EYS: variants seen among roughly 807,000 people sequenced by gnomAD.
EYS encodes the protein EGF-like photoreceptor maintenance factor.
Under a neutral mutation model 282.1 loss-of-function variants are expected in EYS, and 250 were observed. The ratio of observed to expected loss-of-function variants is 0.89; its 90% confidence interval spans 0.80 to 0.98. The LOEUF is 0.98. Among genes scored for constraint, EYS ranks in the 50% least tolerant of loss-of-function variants. The probability of loss-of-function intolerance (pLI) is 0.00; values close to 1 mark genes in which losing one functional copy is unlikely to be tolerated. For missense variants in EYS, 4,016 were observed against 3,709.0 expected (o/e 1.08, Z -2.15); for synonymous variants, 1,355 against 1,282.9 (o/e 1.06, Z -1.20).
intron 35 of EYS, among the ~76,000 whole-genome samples, chr6:63,887,418 CAGA>C (rs974740508): frequency 7.6e-5 from 11 of 144,518 alleles, no homozygotes; most frequent in Non-Finnish European, 1.5e-4. Flanking sequence ...GAGACCAAAG[CAGA>C]AGGCCAGTGA....
intron 12 of EYS, among the ~76,000 whole-genome samples, chr6:65,076,142 T>G (rs1010998429): frequency 6.6e-6 from 1 of 152,024 alleles, no homozygotes; most frequent in East Asian, 1.9e-4. Flanking sequence ...ATGCTACTTA[T>G]ACAAATTAAG....
rs74667330 is a variant in EYS, at chr6:65,295,847, G to A, written c.2023+16C>T. The A allele has an allele frequency of 4.3e-6, 6 of 1,397,822 alleles. No individual in the cohort carries two copies. Among genetic ancestry groups the A allele is most frequent in the African/African-American group, 1.5e-5 (1 of 68,064 alleles). The allele number at this position is 1,397,822 out of a possible 1,614,324, so 86.6% of individuals were successfully genotyped here. Reference sequence around the variant, plus strand: ...TTTACTAGAAAATTTAATTTATCAGGAAAAAAAAAACTTGCCTTTAAATCC... The same window carrying A: ...TTTACTAGAAAATTTAATTTATCAGAAAAAAAAAAACTTGCCTTTAAATCC... On this transcript the variant is annotated intron_variant, in intron 12 of 42. Coordinates refer to ENST00000503581, the MANE Select transcript of EYS (RefSeq NM_001142800.2).
intron 2 of EYS, among the ~76,000 whole-genome samples, chr6:65,569,232 G>A (rs1764395166): frequency 6.6e-6 from 1 of 151,850 alleles, no homozygotes. Context: ...CCCTGCCCAG[G>A]GAGAACTACC....
At chr6:65,105,681 G>T (rs1775015066) in intron 12 of EYS, among the ~76,000 whole-genome samples, 2 of 151,934 alleles carry the variant, frequency 1.3e-5, no homozygotes, top group South Asian at 4.2e-4. Flanking sequence ...AAGAGAGATG[G>T]GGTGAGATTT....
intron 1 of EYS, among the ~76,000 whole-genome samples, chr6:65,688,259 A>G (rs1228283979): frequency 2.0e-5 from 3 of 152,150 alleles, no homozygotes; most frequent in African/African-American, 7.2e-5. Context: ...AACAGAACAG[A>G]GGCCTCAGAA....
At chr6:64,563,844 AT>A (rs1360400894) in intron 26 of EYS, among the ~76,000 whole-genome samples, 1 of 152,116 alleles carries the variant, frequency 6.6e-6, no homozygotes, top group Non-Finnish European at 1.5e-5. Context: ...AAGGAATAAA[AT>A]ATTCTCAAAG....
chr6:65,274,621 G>T (rs2150269049), intron 12 of EYS, among the ~76,000 whole-genome samples: 1 of 152,236 alleles, frequency 6.6e-6, no homozygotes, highest in South Asian at 2.1e-4. Flanking sequence ...TCAGGCCATT[G>T]TCATAATTTG....
At chr6:64,889,467 A>G (rs541690401) in intron 18 of EYS, among the ~76,000 whole-genome samples, 1 of 152,026 alleles carries the variant, frequency 6.6e-6, no homozygotes, top group South Asian at 2.1e-4. Context: ...TTGCCTTTTG[A>G]ACCCTTTGTT....
chr6:64,680,158 T>G (rs968651348), intron 22 of EYS, among the ~76,000 whole-genome samples: 5 of 152,112 alleles, frequency 3.3e-5, no homozygotes, highest in African/African-American at 1.2e-4. Flanking sequence ...GAAAGACTAT[T>G]TGTATGCCAA....
At chr6:65,441,158 A>G (rs913844986) in intron 5 of EYS, among the ~76,000 whole-genome samples, 1 of 151,348 alleles carries the variant, frequency 6.6e-6, no homozygotes, top group Non-Finnish European at 1.5e-5. Flanking sequence ...TTTTGCTACA[A>G]ACCATTTTTA....
intron 14 of EYS, among the ~76,000 whole-genome samples, chr6:64,980,866 T>C (rs572145916): frequency 1.1e-3 from 167 of 149,694 alleles, no homozygotes; most frequent in African/African-American, 3.6e-3. Flanking sequence ...TGAGTTAAGA[T>C]AAAAAAAAAC....
At chr6:64,496,652 T>C (rs1776897748) in intron 26 of EYS, among the ~76,000 whole-genome samples, 1 of 152,054 alleles carries the variant, frequency 6.6e-6, no homozygotes, top group Non-Finnish European at 1.5e-5. Flanking sequence ...TTGAAAATTA[T>C]TCAGAAACCA....
At chr6:64,456,543 T>C (rs1405869556) in intron 26 of EYS, among the ~76,000 whole-genome samples, 1 of 152,004 alleles carries the variant, frequency 6.6e-6, no homozygotes, top group Non-Finnish European at 1.5e-5. Context: ...TACAAGAGGG[T>C]TGTTATGTTA....
chr6:64,627,162 T>C (rs1240265363), intron 22 of EYS, among the ~76,000 whole-genome samples: 1 of 152,212 alleles, frequency 6.6e-6, no homozygotes, highest in Non-Finnish European at 1.5e-5. Flanking sequence ...GCAGGTATTT[T>C]ATGAATGCTA....
chr6:64,445,301 T>C (rs150404726), intron 26 of EYS, among the ~76,000 whole-genome samples: 70 of 152,256 alleles, frequency 4.6e-4, no homozygotes, highest in African/African-American at 1.5e-3. Context: ...GAAGAAAACA[T>C]AAATACTGAG....
intron 32 of EYS, among the ~76,000 whole-genome samples, chr6:64,075,654 T>C (rs1771747248): frequency 6.6e-6 from 1 of 151,918 alleles, no homozygotes; most frequent in Non-Finnish European, 1.5e-5. Context: ...ATAACATTCG[T>C]AACACCTCTC....
chr6:65,390,594 A>G (rs1011756194), intron 7 of EYS, among the ~76,000 whole-genome samples: 5 of 151,990 alleles, frequency 3.3e-5, no homozygotes, highest in African/African-American at 7.2e-5. Context: ...TGTAGAAAAA[A>G]TATTGTGGGC....
At chr6:65,110,778 C>T (rs1775194627) in intron 12 of EYS, among the ~76,000 whole-genome samples, 1 of 151,894 alleles carries the variant, frequency 6.6e-6, no homozygotes, top group Non-Finnish European at 1.5e-5. Context: ...TGATGCTAAA[C>T]TGATAAAACT....
Position 63,900,814 on chromosome 6 carries a change from A to G in EYS, c.7056-36456T>C, listed in dbSNP as rs529922243. Among the ~76,000 whole-genome samples the G allele has an allele frequency of 3.3e-5, 5 of 152,326 alleles. No homozygotes were observed. The East Asian group carries it at 9.6e-4, about 29-fold the overall frequency. The stretch of plus-strand genomic sequence containing the variant: ...GGAAGGCAAGCTTAAAAATAAAACA[A>G]CAACTGAACAAAGATATTGGTAGCT... On this transcript the variant is annotated intron_variant, in intron 35 of 42. Transcript: ENST00000503581.
Sources: gnomAD v4.1 joint callset for allele counts (sites outside exome capture counted in the v4.1 genomes callset) on GRCh38, gnomAD v4.1.1 for gene constraint, MANE v1.5 for transcripts, NCBI Gene and HGNC (gene_info 2026-07-23, HGNC 2026-07-21) for gene names.